DENND1B: variants seen among roughly 807,000 people sequenced by gnomAD.
The protein encoded by DENND1B is DENN domain containing 1B.
DENND1B carries 59 observed loss-of-function variants against 90.1 expected under a neutral mutation model. The ratio of observed to expected loss-of-function variants is 0.65; its 90% CI spans 0.53 to 0.81. DENND1B has a LOEUF of 0.81. Ranked by LOEUF, DENND1B falls within the 40% of genes least tolerant of loss-of-function variation. The pLI is 0.00. For synonymous variants in DENND1B, 337 were observed against 324.6 expected, an observed-to-expected ratio of 1.04 and a Z score of -0.41; for missense variants, 862 against 912.6, an observed-to-expected ratio of 0.94 and a Z score of 0.71.
chr1:197,529,839 T>C (rs1669492056), intron 20 of DENND1B, among the ~76,000 whole-genome samples: 1 of 152,110 alleles, frequency 6.6e-6, no homozygotes, highest in Non-Finnish European at 1.5e-5. Flanking sequence ...CATAAGTACA[T>C]AGGATTAAGA....
rs1469977966 is a variant in DENND1B, at chr1:197,531,742, T to C, written c.1515+8222A>G. On this transcript the variant is annotated intron_variant, in intron 20 of 22. Coordinates refer to ENST00000620048, the MANE Select transcript of DENND1B (RefSeq NM_001195215.2). ...GTTTACTGAGACTGATGGTTTCCAATTTCATCCATGTCCCTACAAAGGATA... is the reference window on the plus strand; with the variant it reads ...GTTTACTGAGACTGATGGTTTCCAACTTCATCCATGTCCCTACAAAGGATA... Among the ~76,000 whole-genome samples the C allele has an allele frequency of 9.1e-3, 83 of 9,086 alleles. 33 individuals carry two copies. Among genetic ancestry groups the C allele is most frequent in the African/African-American group, 9.8e-3 (83 of 8,468 alleles). The allele number at this position is 9,086 out of a possible 152,430, so 6.0% of individuals were successfully genotyped here.
In DENND1B at chr1:197,540,031, T is replaced by A. The variant is rs1458131382; in HGVS notation, c.1448A>T (p.Gln483Leu). The A allele has an allele frequency of 1.2e-6, 2 of 1,613,172 alleles. No homozygotes were observed. Among genetic ancestry groups the A allele is most frequent in the African/African-American group, 2.7e-5 (2 of 74,906 alleles). The part of the protein sequence containing the change: ...EDYGTCSSSV[Q>L]YTPVYKLHNE... ...GTGTAATTTGTAAACTGGTGTATAT[T>A]GTACAGAACTAGAACAGGTCCCATA... The change falls in exon 20 of 23, where the codon CAA becomes CTA. Residue 483 changes from glutamine to leucine, a missense_variant. Transcript: ENST00000620048.
chr1:197,694,022 T>G (rs1000270423), intron 3 of DENND1B, among the ~76,000 whole-genome samples: 1 of 151,484 alleles, frequency 6.6e-6, no homozygotes, highest in Non-Finnish European at 1.5e-5. Context: ...CTACTTCTTA[T>G]CCTAAAGTGT....
At chr1:197,714,868 C>T (rs1361702894) in intron 3 of DENND1B, among the ~76,000 whole-genome samples, 163 bp downstream of exon 3, 1 of 152,018 alleles carries the variant, frequency 6.6e-6, no homozygotes, top group South Asian at 2.1e-4. Flanking sequence ...AAGATTCTTC[C>T]ATATATTCCG....
chr1:197,775,867 G>C (rs533815731), upstream of DENND1B, among the ~76,000 whole-genome samples: 164 of 152,252 alleles, frequency 1.1e-3, 2 homozygotes, highest in South Asian at 2.7e-3. Context: ...TACAAATTCA[G>C]AGCTCAAGTT....
intron 3 of DENND1B, among the ~76,000 whole-genome samples, chr1:197,682,948 A>G (rs1656843345): frequency 6.6e-6 from 1 of 152,188 alleles, no homozygotes; most frequent in African/African-American, 2.4e-5. Flanking sequence ...GTATCTTCTC[A>G]TTATAATTAT....
chr1:197,683,458 G>T (rs1001327078), intron 3 of DENND1B, among the ~76,000 whole-genome samples: 3 of 151,958 alleles, frequency 2.0e-5, no homozygotes, highest in Non-Finnish European at 2.9e-5. Context: ...GTATGGTGCT[G>T]GCCTGAAATA....
chr1:197,606,535 A>C (rs1365631654), intron 13 of DENND1B: 1 of 151,332 alleles, frequency 6.6e-6, no homozygotes, highest in Non-Finnish European at 1.5e-5. Flanking sequence ...AATTTAGAGA[A>C]AACAAATAAA....
intron 2 of DENND1B, among the ~76,000 whole-genome samples, chr1:197,737,933 G>T (rs1456248764): frequency 1.3e-5 from 2 of 152,144 alleles, no homozygotes; most frequent in Non-Finnish European, 2.9e-5. Context: ...GTATTATGCT[G>T]AAATTTTATT....
At chr1:197,554,536 C>A (rs1251671877) in intron 15 of DENND1B, among the ~76,000 whole-genome samples, 1 of 151,928 alleles carries the variant, frequency 6.6e-6, no homozygotes, top group Non-Finnish European at 1.5e-5. Context: ...TATTCCTCAG[C>A]AGCAATTTAA....
chr1:197,642,701 A>G lies in DENND1B; in HGVS notation c.672+10T>C. On this transcript the variant is annotated intron_variant, in intron 10 of 22. Coordinates refer to ENST00000620048, the MANE Select transcript of DENND1B (RefSeq NM_001195215.2). Reference sequence around the variant, plus strand: ...ATACCTGCTACTTAAAAGAAGTGTGAAGTACTTACAGTGCTTAATTTGCTC... The same window carrying G: ...ATACCTGCTACTTAAAAGAAGTGTGGAGTACTTACAGTGCTTAATTTGCTC... 1 of 1,596,268 alleles carries G rather than the reference A, an allele frequency of 6.3e-7. No homozygotes were observed.
intron 3 of DENND1B, among the ~76,000 whole-genome samples, chr1:197,705,379 A>G (rs1221964801): frequency 2.0e-5 from 3 of 152,126 alleles, no homozygotes; most frequent in African/African-American, 7.2e-5. Context: ...AGGCTATAAG[A>G]ATTGTTGTAA....
chr1:197,588,102 C>T (rs188553029), intron 14 of DENND1B, among the ~76,000 whole-genome samples: 18 of 152,308 alleles, frequency 1.2e-4, no homozygotes, highest in Non-Finnish European at 2.1e-4. Context: ...TGGTTCCTAA[C>T]GGGAGCTGGG....
intron 14 of DENND1B, among the ~76,000 whole-genome samples, chr1:197,593,420 AGGCAAC>A (rs1303273705): frequency 6.6e-6 from 1 of 151,730 alleles, no homozygotes; most frequent in African/African-American, 2.4e-5. Flanking sequence ...AAAAAAATGT[AGGCAAC>A]TAAACAAATA....
intron 2 of DENND1B, among the ~76,000 whole-genome samples, chr1:197,753,822 G>T (rs1653892127): frequency 6.6e-6 from 1 of 151,854 alleles, no homozygotes; most frequent in Non-Finnish European, 1.5e-5. Flanking sequence ...CCAACATGGT[G>T]AAATCCCGTC....
intron 2 of DENND1B, among the ~76,000 whole-genome samples, chr1:197,729,701 A>G (rs1048038682): frequency 2.0e-5 from 3 of 152,150 alleles, no homozygotes; most frequent in African/African-American, 7.2e-5. Context: ...TAGCCCCCAT[A>G]ATGTACAGCA....
chr1:197,599,894 G>A (rs1225637952), intron 13 of DENND1B, among the ~76,000 whole-genome samples: 3 of 151,734 alleles, frequency 2.0e-5, no homozygotes, highest in African/African-American at 7.3e-5. Context: ...AAAATCCAAA[G>A]GTCTTTAACA....
intron 22 of DENND1B, 63 bp from the exon 23 acceptor site, chr1:197,511,035 TTC>T (rs1667993750): frequency 2.2e-6 from 3 of 1,390,276 alleles, no homozygotes; most frequent in African/African-American, 2.9e-5. Flanking sequence ...TAGTTCTTTT[TTC>T]TCTTTTGAAA....
chr1:197,610,659 C>T lies in DENND1B; in HGVS notation c.819+1272G>A, dbSNP rs11803371. On this transcript the variant is annotated intron_variant, in intron 12 of 22. Coordinates refer to ENST00000620048, the MANE Select transcript of DENND1B (RefSeq NM_001195215.2). ...TTTAAATGAAGTCAAATTACTGATA[C>T]ATTAAATGCTAGTCATATATTCCAC... Among the ~76,000 whole-genome samples the T allele has an allele frequency of 5.9e-3, 894 of 150,810 alleles. 12 individuals carry two copies. Among genetic ancestry groups the T allele is most frequent in the African/African-American group, 0.02 (835 of 41,340 alleles).
Sources: allele counts gnomAD v4.1 joint callset (sites outside exome capture counted in the v4.1 genomes callset), GRCh38; gene constraint gnomAD v4.1.1; transcripts MANE v1.5; gene names NCBI Gene and HGNC (gene_info 2026-07-23, HGNC 2026-07-21).